SCN8A: variants seen among roughly 807,000 people sequenced by gnomAD.
SCN8A encodes sodium channel protein type 8 subunit alpha.
A neutral mutation model predicts 184.1 loss-of-function variants in SCN8A; 30 were observed. That is an observed-to-expected ratio of 0.16 (90% CI 0.12 to 0.22). The LOEUF (loss-of-function observed/expected upper bound fraction) is 0.22. Among genes scored for constraint, SCN8A ranks in the 10% least tolerant of loss-of-function variants. SCN8A has a pLI of 1.00. For synonymous variants in SCN8A, 852 were observed against 907.0 expected, an observed-to-expected ratio of 0.94 and a Z score of 1.09; for missense variants, 1,057 against 2,498.9, an observed-to-expected ratio of 0.42 and a Z score of 12.30.
chr12:51,768,384 G>A (rs1453892807), intron 16 of SCN8A, among the ~76,000 whole-genome samples: 1 of 152,030 alleles, frequency 6.6e-6, no homozygotes, highest in African/African-American at 2.4e-5. Flanking sequence ...ATGACATGAA[G>A]TGTATTTCAG....
chr12:51,628,438 G>GT (rs1199249985), intron 1 of SCN8A, among the ~76,000 whole-genome samples: 1 of 152,152 alleles, frequency 6.6e-6, no homozygotes, highest in African/African-American at 2.4e-5. Flanking sequence ...AGTGTCAGAG[G>GT]TTTTTTAGCT....
At chr12:51,627,432 A>G (rs1940103481) in intron 1 of SCN8A, among the ~76,000 whole-genome samples, 1 of 152,150 alleles carries the variant, frequency 6.6e-6, no homozygotes, top group African/African-American at 2.4e-5. Context: ...GCCAGGGAGG[A>G]GTACAGTGGC....
In SCN8A at chr12:51,723,613, C is replaced by T. The variant is rs144798348; in HGVS notation, c.1998+1705C>T. ...ATTCTGGGCTGGGAGTGGTGGCTCA[C>T]GCCTGTAATCCCAGCACCTTGGGAG... On this transcript the variant is annotated intron_variant, in intron 12 of 26. Coordinates refer to ENST00000627620, the MANE Select transcript of SCN8A (RefSeq NM_001330260.2). 1.3e-4 allele frequency among the ~76,000 whole-genome samples: 20 copies of T among 152,274 alleles called. No individual in the cohort carries two copies. In the East Asian group the frequency reaches 2.1e-3, roughly 16 times the overall value.
intron 13 of SCN8A, among the ~76,000 whole-genome samples, chr12:51,750,707 A>G (rs1443313132): frequency 2.0e-5 from 3 of 152,150 alleles, no homozygotes; most frequent in East Asian, 3.9e-4. Context: ...GGCACTTTGT[A>G]TATATTTTAG....
Position 51,806,167 on chromosome 12 carries a change from C to A in SCN8A, c.4796-115C>A. ...TGAGAGTTCAGACTGAATAGTAAGG[C>A]ACTTATTCTGCAAAGCCCTTTGAAC... On this transcript the variant is annotated intron_variant, in intron 26 of 26. Transcript: ENST00000627620. This position sits in a 1 kb window ranked among gnomAD's most constrained non-coding sequence, Gnocchi z 8.7. 1.0e-6 allele frequency: 1 copy of A among 964,744 alleles called. No individual in the cohort carries two copies. Among genetic ancestry groups the A allele is most frequent in the Non-Finnish European group, 1.5e-6 (1 of 661,326 alleles). 59.8% of individuals were successfully genotyped at this position (964,744 alleles called of 1,614,324 possible).
chr12:51,778,712 T>C (rs1156825683), intron 20 of SCN8A, among the ~76,000 whole-genome samples: 1 of 152,140 alleles, frequency 6.6e-6, no homozygotes, highest in Non-Finnish European at 1.5e-5. Flanking sequence ...AGACACAGGA[T>C]CAAAGAATTA....
At chr12:51,754,498 G>C (rs1322188092) in intron 14 of SCN8A, among the ~76,000 whole-genome samples, 3 of 152,012 alleles carry the variant, frequency 2.0e-5, no homozygotes, top group African/African-American at 7.3e-5. Flanking sequence ...GTATGACCTT[G>C]TCCTGTGGTT....
At chr12:51,644,735 A>C (rs1349063291) in intron 1 of SCN8A, among the ~76,000 whole-genome samples, 28 of 146,144 alleles carry the variant, frequency 1.9e-4, no homozygotes, top group Admixed American at 1.8e-3. Context: ...CTGGCTGCCC[A>C]GTCTGGAAAG....
At chr12:51,779,440 G>A (rs992633162) in intron 20 of SCN8A, among the ~76,000 whole-genome samples, 20 of 152,172 alleles carry the variant, frequency 1.3e-4, no homozygotes, top group Non-Finnish European at 2.5e-4. Flanking sequence ...GAGCAGGAAA[G>A]TGTTTGACCA....
intron 1 of SCN8A, among the ~76,000 whole-genome samples, chr12:51,645,929 A>AT (rs1940575584): frequency 7.2e-6 from 1 of 139,476 alleles, no homozygotes; most frequent in Non-Finnish European, 1.5e-5. Flanking sequence ...CCTCTGCGAG[A>AT]AACACCCAAG....
intron 1 of SCN8A, among the ~76,000 whole-genome samples, chr12:51,599,640 T>A (rs1479307721): frequency 6.6e-6 from 1 of 152,154 alleles, no homozygotes; most frequent in African/African-American, 2.4e-5. Context: ...TATACTGTAG[T>A]GTTTTAGGAA....
At chr12:51,726,714 T>G (rs1942160636) in intron 12 of SCN8A, among the ~76,000 whole-genome samples, 1 of 152,210 alleles carries the variant, frequency 6.6e-6, no homozygotes, top group Admixed American at 6.5e-5. Flanking sequence ...AAGCATATTA[T>G]GTGGCCCATT....
intron 11 of SCN8A, 65 bp from the exon 12 acceptor site, chr12:51,721,481 G>A (rs886732525): frequency 6.7e-7 from 1 of 1,496,010 alleles, no homozygotes; most frequent in Non-Finnish European, 9.0e-7. Context: ...ACTTTGCTCA[G>A]TATAAAGGTC....
chr12:51,807,840 C>G lies in SCN8A; in HGVS notation c.*411C>G. ...TTAAAAGTTCGTTTGTTCATGCAAA[C>G]TATATTTGCATTCTTACATTAGTTA... On this transcript the variant is annotated 3_prime_UTR_variant, in exon 27 of 27. Coordinates refer to ENST00000627620, the MANE Select transcript of SCN8A (RefSeq NM_001330260.2). This position sits in a 1 kb window ranked among gnomAD's most constrained non-coding sequence, Gnocchi z 4.5. 1 of 224,934 alleles carries G rather than the reference C, an allele frequency of 4.4e-6. No homozygotes were observed. The highest frequency in any genetic ancestry group is 8.8e-6 in the Non-Finnish European group (1 of 113,234). The allele number at this position is 224,934 out of a possible 1,614,324, so 13.9% of individuals were successfully genotyped here.
chr12:51,657,771 A>G (rs1025038219), intron 1 of SCN8A, among the ~76,000 whole-genome samples: 5 of 151,982 alleles, frequency 3.3e-5, no homozygotes, highest in African/African-American at 4.8e-5. Context: ...TAAGTCCTTA[A>G]TTCATTTTGA....
intron 20 of SCN8A, chr12:51,780,125 G>A (rs1937848510): frequency 2.5e-6 from 1 of 393,118 alleles, no homozygotes; most frequent in South Asian, 1.8e-5. Flanking sequence ...GTCCCTCTTG[G>A]AAAGCCAATG....
chr12:51,706,985 G>A (rs549970006), intron 11 of SCN8A, among the ~76,000 whole-genome samples: 1 of 152,090 alleles, frequency 6.6e-6, no homozygotes, highest in African/African-American at 2.4e-5. Flanking sequence ...TCTGTGCTTG[G>A]CTTATTTCAG....
chr12:51,620,594 GCA>G (rs1939938986), intron 1 of SCN8A, among the ~76,000 whole-genome samples: 1 of 151,990 alleles, frequency 6.6e-6, no homozygotes, highest in South Asian at 2.1e-4. Flanking sequence ...GGAAGGCTGT[GCA>G]CTTAATAGAA....
At chr12:51,766,078 C>T (rs777749363) in intron 16 of SCN8A, 51 bp downstream of exon 16, 4 of 1,442,904 alleles carry the variant, frequency 2.8e-6, no homozygotes, top group South Asian at 1.1e-5. Context: ...ATATTCTACC[C>T]CTGGCCCAGA....
Sources: allele counts gnomAD v4.1 joint callset (sites outside exome capture counted in the v4.1 genomes callset), GRCh38; gene constraint gnomAD v4.1.1; non-coding constraint Gnocchi (gnomAD v3.1); transcripts MANE v1.5; gene names NCBI Gene and HGNC (gene_info 2026-07-23, HGNC 2026-07-21).